RBFOX1: variants seen among roughly 807,000 people sequenced by gnomAD.
RBFOX1 encodes RNA binding protein fox-1 homolog 1.
RBFOX1 carries 8 observed loss-of-function variants against 57.7 expected under a neutral mutation model. The observed-to-expected ratio is 0.14, with a 90% CI of 0.08 to 0.25. The LOEUF is 0.25. Ranked by LOEUF, RBFOX1 falls within the 10% of genes least tolerant of loss-of-function variation. RBFOX1 has a pLI of 1.00. For synonymous variants in RBFOX1, 326 were observed against 222.4 expected (o/e 1.47, Z -4.15); for missense variants, 611 against 548.5 (o/e 1.11, Z -1.14).
intron 3 of RBFOX1, among the ~76,000 whole-genome samples, chr16:7,043,043 C>G (rs1283670052): frequency 1.4e-5 from 2 of 144,658 alleles, no homozygotes; most frequent in Non-Finnish European, 3.0e-5. Flanking sequence ...ATCCTCCACC[C>G]CCCACAATCT....
At chr16:5,476,422 C>G (rs1180752469) in intron 2 of RBFOX1, among the ~76,000 whole-genome samples, 3 of 152,166 alleles carry the variant, frequency 2.0e-5, no homozygotes, top group Non-Finnish European at 2.9e-5. Flanking sequence ...CTCCATTACT[C>G]TAGAACACAG....
intron 1 of RBFOX1, among the ~76,000 whole-genome samples, chr16:6,142,950 G>A (rs1453256271): frequency 6.6e-6 from 1 of 152,158 alleles, no homozygotes; most frequent in African/African-American, 2.4e-5. Flanking sequence ...TCCTGAAGCA[G>A]TTTTTAGTTT....
At chr16:7,686,762 G>C (rs1171139981) in intron 14 of RBFOX1, among the ~76,000 whole-genome samples, 3 of 152,044 alleles carry the variant, frequency 2.0e-5, no homozygotes, top group African/African-American at 7.2e-5. Flanking sequence ...AACAAAGCAT[G>C]GTTTTCAGAT....
At chr16:7,081,108 C>T (rs1379848346) in intron 4 of RBFOX1, among the ~76,000 whole-genome samples, 1 of 152,150 alleles carries the variant, frequency 6.6e-6, no homozygotes, top group Non-Finnish European at 1.5e-5. Flanking sequence ...GATGTTGGCT[C>T]ACTGCAACCT....
intron 4 of RBFOX1, among the ~76,000 whole-genome samples, chr16:7,458,195 A>G (rs1354148328): frequency 6.6e-6 from 1 of 152,140 alleles, no homozygotes; most frequent in African/African-American, 2.4e-5. Flanking sequence ...ATGCATTACA[A>G]AGACAGGGAC....
intron 1 of RBFOX1, among the ~76,000 whole-genome samples, chr16:6,306,200 A>G (rs963576022): frequency 6.6e-6 from 1 of 152,174 alleles, no homozygotes; most frequent in African/African-American, 2.4e-5. Flanking sequence ...GTTATAGCTG[A>G]GATAAATGCA....
At chr16:6,391,893 T>C (rs1367379134) in intron 2 of RBFOX1, among the ~76,000 whole-genome samples, 1 of 152,202 alleles carries the variant, frequency 6.6e-6, no homozygotes, top group East Asian at 1.9e-4. Context: ...AATAAATGCA[T>C]GAACAAAATG....
chr16:6,657,103 C>T (rs1194717697), intron 3 of RBFOX1, among the ~76,000 whole-genome samples: 1 of 131,818 alleles, frequency 7.6e-6, no homozygotes, highest in Admixed American at 7.9e-5. Flanking sequence ...CTTTACTCTC[C>T]TCTCCTCCCC....
At position 6,931,815 on chromosome 16, in the gene RBFOX1, A is replaced by C. The variant is rs149547526; in HGVS notation, c.-15-120242A>C. On this transcript the variant is annotated intron_variant, in intron 3 of 15. Coordinates refer to ENST00000550418, the MANE Select transcript of RBFOX1 (RefSeq NM_018723.4). Reference sequence around the variant, plus strand: ...TAAAGAAAAATAAGTTTACTCAGTTATGATTTTGGAGGTCGGAAAGTCCAA... The same window carrying C: ...TAAAGAAAAATAAGTTTACTCAGTTCTGATTTTGGAGGTCGGAAAGTCCAA... 3.9e-3 allele frequency among the ~76,000 whole-genome samples: 590 copies of C among 152,276 alleles called. 4 individuals are homozygous for C. Among genetic ancestry groups the C allele is most frequent in the African/African-American group, 0.014 (561 of 41,550 alleles).
intron 4 of RBFOX1, among the ~76,000 whole-genome samples, chr16:7,190,176 C>T (rs1181220665): frequency 1.3e-5 from 2 of 152,118 alleles, no homozygotes; most frequent in African/African-American, 4.8e-5. Context: ...GCCTTGCCAA[C>T]ATGGTGAAAC....
At chr16:5,721,803 G>A (rs931698985) in intron 3 of RBFOX1, among the ~76,000 whole-genome samples, 5 of 152,184 alleles carry the variant, frequency 3.3e-5, no homozygotes, top group African/African-American at 1.2e-4. Context: ...AACCCTGCCT[G>A]TGGAAACCTT....
At chr16:6,507,431 G>T (rs1297394955) in intron 2 of RBFOX1, among the ~76,000 whole-genome samples, 1 of 143,594 alleles carries the variant, frequency 7.0e-6, no homozygotes, top group Non-Finnish European at 1.5e-5. Flanking sequence ...AACACTTTGT[G>T]AGGCTAAGGC....
intron 2 of RBFOX1, among the ~76,000 whole-genome samples, chr16:6,516,805 G>A (rs1447230713): frequency 1.3e-5 from 2 of 152,126 alleles, no homozygotes; most frequent in Non-Finnish European, 2.9e-5. Flanking sequence ...CCAATAGTTG[G>A]TAGAGACATT....
chr16:7,444,707 T>G (rs1272149610), intron 4 of RBFOX1, among the ~76,000 whole-genome samples: 1 of 152,010 alleles, frequency 6.6e-6, no homozygotes, highest in East Asian at 1.9e-4. Flanking sequence ...AATTTTTACA[T>G]TATTTGTAGA....
chr16:6,773,265 T>TTG (rs1178711453), intron 3 of RBFOX1, among the ~76,000 whole-genome samples: 3 of 116,458 alleles, frequency 2.6e-5, no homozygotes, highest in African/African-American at 3.4e-5. Flanking sequence ...TGGGGTGCAT[T>TTG]TGTGTGTGTG....
At chr16:6,754,935 A>G (rs112527419) in intron 3 of RBFOX1, among the ~76,000 whole-genome samples, 48 of 151,674 alleles carry the variant, frequency 3.2e-4, no homozygotes, top group African/African-American at 1.0e-3. Context: ...GTTCCCACCT[A>G]TGACTGAGAA....
At chr16:7,311,112 G>T (rs1459826236) in intron 4 of RBFOX1, among the ~76,000 whole-genome samples, 2 of 152,100 alleles carry the variant, frequency 1.3e-5, no homozygotes, top group Non-Finnish European at 2.9e-5. Flanking sequence ...AGCCACTAGT[G>T]CACAATAAAG....
At chr16:6,817,598 C>T (rs561368100) in intron 3 of RBFOX1, among the ~76,000 whole-genome samples, 10 of 150,244 alleles carry the variant, frequency 6.7e-5, no homozygotes, top group African/African-American at 2.2e-4. Context: ...TGCAGCTACT[C>T]GGGAGGCTGA....
intron 2 of RBFOX1, among the ~76,000 whole-genome samples, chr16:6,564,412 A>G (rs2192643): frequency 0.52 from 79,094 of 151,908 alleles, 22,195 homozygotes; most frequent in South Asian, 0.73. Context: ...GTGAGCCGAG[A>G]TCGTGCCACT....
Sources: allele counts gnomAD v4.1 joint callset (sites outside exome capture counted in the v4.1 genomes callset), GRCh38; gene constraint gnomAD v4.1.1; transcripts MANE v1.5; gene names NCBI Gene and HGNC (gene_info 2026-07-23, HGNC 2026-07-21).